AHNAK: variants seen among roughly 807,000 people sequenced by gnomAD.
AHNAK encodes AHNAK nucleoprotein, also known as neuroblast differentiation-associated protein AHNAK.
Under a neutral mutation model 37.8 loss-of-function variants are expected in AHNAK, and 23 were observed. The observed-to-expected ratio is 0.61, with a 90% CI of 0.44 to 0.86. The LOEUF (loss-of-function observed/expected upper bound fraction) is 0.86. AHNAK is among the 40% of genes least tolerant of loss of function. The pLI is 0.00. For synonymous variants in AHNAK, 2,481 were observed against 2,636.3 expected (o/e 0.94, Z 1.80); for missense variants, 7,411 against 7,319.4 (o/e 1.01, Z -0.46).
intron 5 of AHNAK, among the ~76,000 whole-genome samples, chr11:62,470,136 C>G (rs2134845846): frequency 6.6e-6 from 1 of 152,044 alleles, no homozygotes; most frequent in South Asian, 2.1e-4. Context: ...AACCCCATCT[C>G]TACTAAAAAT....
intron 4 of AHNAK, among the ~76,000 whole-genome samples, chr11:62,500,209 C>T (rs2134173392): frequency 1.3e-5 from 2 of 152,316 alleles, no homozygotes; most frequent in South Asian, 4.1e-4. Context: ...GATCAATCTG[C>T]ACTCACAAAA....
chr11:62,481,925 C>T (rs921625711), intron 5 of AHNAK, among the ~76,000 whole-genome samples: 3 of 152,038 alleles, frequency 2.0e-5, no homozygotes, highest in Non-Finnish European at 4.4e-5. Flanking sequence ...AGACCTTTTA[C>T]GATCCATCTC....
In AHNAK at chr11:62,520,717, A is replaced by G. The variant is rs1337012744; in HGVS notation, c.13700T>C (p.Ile4567Thr). Residue 4567 changes from isoleucine (I) to threonine (T), a missense_variant, in exon 5 of 5, where the codon ATT becomes ACT. By Grantham distance (89) the Ile-to-Thr change is moderately conservative. Coordinates refer to ENST00000378024, the MANE Select transcript of AHNAK (RefSeq NM_001620.3). ...GPKVGIDTPD[I>T]DIHGPEGKLK... ...TTTCCCTTCTGGACCATGAATGTCA[A>G]TATCAGGAGTGTCAATGCCCACTTT... 4 of 1,614,134 alleles carry G rather than the reference A, an allele frequency of 2.5e-6. No individual in the cohort carries two copies. Among genetic ancestry groups the G allele is most frequent in the African/African-American group, 2.7e-5 (2 of 75,028 alleles).
intron 4 of AHNAK, among the ~76,000 whole-genome samples, chr11:62,496,718 C>T (rs770568418): frequency 5.9e-5 from 9 of 152,014 alleles, no homozygotes; most frequent in Non-Finnish European, 1.0e-4. Context: ...TTGCTTGAAC[C>T]CGGGAGGCGG....
chr11:62,531,057 C>G lies in AHNAK; in HGVS notation c.3360G>C (p.Leu1120=). The G allele has an allele frequency of 6.2e-7, 1 of 1,612,168 alleles. No individual in the cohort carries two copies. The highest frequency in any genetic ancestry group is 8.5e-7 in the Non-Finnish European group (1 of 1,179,418). The part of the protein sequence containing the change: ...IKAPDVEGQG[L]DWSLKIPKMK... ...TCTTGGGTATTTTCAGGCTCCAGTC[C>G]AGGCCTTGGCCTTCCACATCTGGTG... The change falls in exon 5 of 5, where the codon CTG becomes CTC. Residue 1120 remains leucine, a synonymous_variant. Transcript: ENST00000378024.
chr11:62,480,708 T>TCTCA (rs1939252395), intron 5 of AHNAK, among the ~76,000 whole-genome samples: 1 of 150,962 alleles, frequency 6.6e-6, no homozygotes, highest in East Asian at 1.9e-4. Context: ...CCTGACTCTT[T>TCTCA]CTCAGTGGTC....
chr11:62,442,319 G>A (rs183377785), intron 5 of AHNAK, among the ~76,000 whole-genome samples: 3 of 152,220 alleles, frequency 2.0e-5, no homozygotes, highest in East Asian at 1.9e-4. Context: ...AGGCTGAAGC[G>A]GGCAGATTGC....
chr11:62,457,577 C>T (rs922259040), intron 5 of AHNAK, among the ~76,000 whole-genome samples: 17 of 152,038 alleles, frequency 1.1e-4, no homozygotes, highest in African/African-American at 4.1e-4. Context: ...TGCAGTGAGC[C>T]AAGATCAAGC....
At position 62,518,943 on chromosome 11, in the gene AHNAK, G is replaced by A. The variant is rs1459740010; in HGVS notation, c.15474C>T (p.Asp5158=). The A allele has an allele frequency of 1.2e-6, 2 of 1,613,990 alleles. No homozygotes were observed. The highest frequency in any genetic ancestry group is 3.3e-5 in the Admixed American group (2 of 60,000). The change falls in exon 5 of 5, where the codon GAC becomes GAT. Residue 5158 remains aspartate (D), a synonymous_variant. Coordinates refer to ENST00000378024, the MANE Select transcript of AHNAK (RefSeq NM_001620.3). ...VDISVPKIEG[D]LKGPKVQANL... ...TTGCCTGCACTTTGGGGCCTTTCAGGTCACCCTCTATTTTTGGCACTGAGA... is the reference window on the plus strand; with the variant it reads ...TTGCCTGCACTTTGGGGCCTTTCAGATCACCCTCTATTTTTGGCACTGAGA...
At position 62,454,923 on chromosome 11, in the gene AHNAK, TTTA is replaced by T. The variant is rs370093965; in HGVS notation, c.443-21035_443-21033del. 7.9e-3 allele frequency among the ~76,000 whole-genome samples: 739 copies of T among 93,920 alleles called. 11 individuals carry two copies. The highest frequency in any genetic ancestry group is 0.031 in the African/African-American group (702 of 22,316). The allele number at this position is 93,920 out of a possible 152,430, so 61.6% of individuals were successfully genotyped here. ...AGGCTCAGATTTGCATTTCTTTTTA[TTTA>T]TTTATTTTTTTTTTTTTTTTGAGAT... On this transcript the variant is annotated intron_variant, in intron 5 of 5. Coordinates refer to the AHNAK transcript ENST00000257247.
At position 62,528,225 on chromosome 11, in the gene AHNAK, C is replaced by T. The variant is rs1272048445; in HGVS notation, c.6192G>A (p.Glu2064=). The T allele has an allele frequency of 3.1e-6, 5 of 1,614,012 alleles. No individual in the cohort carries two copies. The highest frequency in any genetic ancestry group is 2.2e-5 in the East Asian group (1 of 44,870). Residue 2064 remains glutamate, a synonymous_variant, in exon 5 of 5, where the codon GAG becomes GAA. Coordinates refer to ENST00000378024, the MANE Select transcript of AHNAK (RefSeq NM_001620.3). ...PKFSMPGFKA[E]GPEVDVNLPK... is the part of the protein sequence containing the mutation. ...GCAAGTTCACATCCACTTCTGGGCC[C>T]TCTGCTTTGAAGCCAGGCATGCTGA...
At chr11:62,534,962 C>CG in intron 4 of AHNAK, 41 bp downstream of exon 4, 2 of 1,582,528 alleles carry the variant, frequency 1.3e-6, no homozygotes, top group Non-Finnish European at 1.7e-6. Context: ...CCGGCATGGC[C>CG]GGGGGAGCTC....
intron 5 of AHNAK, among the ~76,000 whole-genome samples, chr11:62,480,803 T>TAAAAAAAAAAA (rs1172126377): frequency 2.8e-3 from 126 of 44,486 alleles, no homozygotes; most frequent in African/African-American, 6.4e-3. Context: ...TGCGTGCAGT[T>TAAAAAAAAAAA]AAAAAAAAAA....
rs1590665926 is a variant in AHNAK, at chr11:62,526,425, C to T, written c.7992G>A (p.Lys2664=). ...EGPDGDVKLP[K]ADIDVSGPKV... Reference sequence around the variant, plus strand: ...TGGGTCCTGAGACATCAATGTCAGCCTTGGGCAGCTTCACATCCCCATCTG... The same window carrying T: ...TGGGTCCTGAGACATCAATGTCAGCTTTGGGCAGCTTCACATCCCCATCTG... The change falls in exon 5 of 5, where the codon AAG becomes AAA. Residue 2664 remains lysine (K), a synonymous_variant. Transcript: ENST00000378024. 1 of 1,611,630 alleles carries T rather than the reference C, an allele frequency of 6.2e-7. No individual in the cohort carries two copies. Among genetic ancestry groups the T allele is most frequent in the Non-Finnish European group, 8.5e-7 (1 of 1,179,524 alleles).
Position 62,528,872 on chromosome 11 carries a change from G to A in AHNAK, c.5545C>T (p.His1849Tyr), listed in dbSNP as rs1208823012. Residue 1849 changes from histidine (H) to tyrosine (Y), a missense_variant, in exon 5 of 5, where the codon CAC becomes TAC. His to Tyr is a moderately conservative substitution (Grantham distance 83). Transcript: ENST00000378024. ...KGPKFKMPEM[H>Y]FKAPKISMPD... is the part of the protein sequence containing the mutation. ...ATGGAGATCTTGGGGGCCTTGAAGT[G>A]CATCTCAGGCATCTTAAACTTGGGC... The A allele has an allele frequency of 4.3e-6, 7 of 1,613,464 alleles. No individual in the cohort carries two copies. In the South Asian group the frequency reaches 7.7e-5, roughly 18 times the overall value.
rs1367140334 is a variant in AHNAK at position 62,535,120 on chromosome 11, G to A, written c.225C>T (p.Asn75=). ...LQSGEVTQLL[N]TMGHHTVGLK... is the part of the protein sequence containing the mutation. ...GGCCCACCGTGTGGTGCCCCATGGT[G>A]TTCAGCAGCTGGGTCACCTCACCCG... The change falls in exon 4 of 5, where the codon AAC becomes AAT. Residue 75 remains asparagine, a synonymous_variant. Coordinates refer to ENST00000378024, the MANE Select transcript of AHNAK (RefSeq NM_001620.3). The A allele has an allele frequency of 6.2e-7, 1 of 1,613,906 alleles. No homozygotes were observed. Among genetic ancestry groups the A allele is most frequent in the Non-Finnish European group, 8.5e-7 (1 of 1,179,804 alleles).
In AHNAK at chr11:62,535,928, A is replaced by G; in HGVS notation, c.154+17T>C. The G allele has an allele frequency of 6.2e-7, 1 of 1,601,946 alleles. No individual in the cohort carries two copies. The highest frequency in any genetic ancestry group is 8.5e-7 in the Non-Finnish European group (1 of 1,175,750). The stretch of plus-strand genomic sequence containing the variant: ...CCCCAACCACCAGCACCCAGTCCAC[A>G]CCCTGGGGTGACTCACCCTCCTTGA... On this transcript the variant is annotated intron_variant, in intron 3 of 4. Transcript: ENST00000378024.
chr11:62,542,840 A>G (rs890375606), intron 1 of AHNAK, among the ~76,000 whole-genome samples: 11 of 152,188 alleles, frequency 7.2e-5, no homozygotes, highest in African/African-American at 2.4e-4. Context: ...GTGGAGCAGA[A>G]CGCTTGGTCT....
In AHNAK at chr11:62,521,215, C is replaced by A. The variant is rs1378785606; in HGVS notation, c.13202G>T (p.Gly4401Val). ...DFNLKGPKVK[G>V]DVDVSLPKVE... ...TTTGGGCAGAGAGACATCCACATCACCTTTCACTTTGGGACCCTTCAAGTT... is the reference window on the plus strand; with the variant it reads ...TTTGGGCAGAGAGACATCCACATCAACTTTCACTTTGGGACCCTTCAAGTT... The change falls in exon 5 of 5, where the codon GGT becomes GTT. Residue 4401 changes from glycine to valine, a missense_variant. Transcript: ENST00000378024. 1.9e-6 allele frequency: 3 copies of A among 1,614,018 alleles called. No individual in the cohort carries two copies. The highest frequency in any genetic ancestry group is 2.5e-6 in the Non-Finnish European group (3 of 1,179,994).
Sources: allele counts gnomAD v4.1 joint callset (sites outside exome capture counted in the v4.1 genomes callset), GRCh38; gene constraint gnomAD v4.1.1; transcripts MANE v1.5; gene names NCBI Gene and HGNC (gene_info 2026-07-23, HGNC 2026-07-21).